The following CACNA1A variants were observed in gnomAD, a reference collection of about 807,000 sequenced individuals.
CACNA1A encodes the protein voltage-dependent P/Q-type calcium channel subunit alpha-1A.
In CACNA1A, 57 loss-of-function variants were observed where a neutral mutation model predicts 262.4. The ratio of observed to expected loss-of-function variants is 0.22; its 90% confidence interval spans 0.18 to 0.27. The LOEUF (loss-of-function observed/expected upper bound fraction) is 0.27. Ranked by LOEUF, CACNA1A falls within the 10% of genes least tolerant of loss-of-function variation. The probability of loss-of-function intolerance (pLI) is 1.00; values close to 1 mark genes in which losing one functional copy is unlikely to be tolerated. For synonymous variants in CACNA1A, 1,431 were observed against 1,419.3 expected (o/e 1.01, Z -0.18); for missense variants, 2,526 against 3,562.8 (o/e 0.71, Z 7.41).
chr19:13,294,487 C>CTTTTTTTTTTTTTT lies in CACNA1A; in HGVS notation c.3089+4043_3089+4056dup, dbSNP rs780908964. Among the ~76,000 whole-genome samples the CTTTTTTTTTTTTTT allele has an allele frequency of 1.6e-3, 117 of 72,524 alleles. 18 individuals carry two copies. Among genetic ancestry groups the CTTTTTTTTTTTTTT allele is most frequent in the East Asian group, 9.5e-3 (19 of 1,998 alleles). The allele number at this position is 72,524 out of a possible 152,430, so 47.6% of individuals were successfully genotyped here. On this transcript the variant is annotated intron_variant, in intron 19 of 46. Coordinates refer to ENST00000360228, the MANE Select transcript of CACNA1A (RefSeq NM_001127222.2). ...TACAGGTGCATACCACTGTACCTGG[C>CTTTTTTTTTTTTTT]TTTTTTTTTTTTTTTTTTTTTTTGA...
At chr19:13,393,927 T>A (rs897397911) in intron 3 of CACNA1A, among the ~76,000 whole-genome samples, 3 of 151,768 alleles carry the variant, frequency 2.0e-5, no homozygotes, top group Admixed American at 2.0e-4. Context: ...GTGATTCTCC[T>A]GCCTCAGCCT....
chr19:13,382,539 G>GT (rs1321362344), intron 3 of CACNA1A, among the ~76,000 whole-genome samples: 3 of 152,210 alleles, frequency 2.0e-5, no homozygotes, highest in African/African-American at 7.2e-5. Context: ...TAGGGGAGAG[G>GT]TTGGGTAAGC....
In CACNA1A at chr19:13,210,415, C is replaced by T. The variant is rs751021979; in HGVS notation, c.6339+202G>A. Among the ~76,000 whole-genome samples, 10 of 152,268 alleles carry T rather than the reference C, an allele frequency of 6.6e-5. No homozygotes were observed. In the South Asian group the frequency reaches 8.3e-4, roughly 13 times the overall value. On this transcript the variant is annotated intron_variant, in intron 44 of 46. Coordinates refer to ENST00000360228, the MANE Select transcript of CACNA1A (RefSeq NM_001127222.2). ...GGGTAGGGGTGAGGATGGGGATGGC[C>T]CCGCCCACCAGGGCTTATGGGTGAG...
chr19:13,387,810 G>A (rs1456119776), intron 3 of CACNA1A, among the ~76,000 whole-genome samples: 2 of 152,078 alleles, frequency 1.3e-5, no homozygotes, highest in Non-Finnish European at 2.9e-5. Flanking sequence ...AGTGAGCTAC[G>A]TCACTACAGC....
At chr19:13,424,070 C>T (rs560257735) in intron 3 of CACNA1A, among the ~76,000 whole-genome samples, 1 of 152,220 alleles carries the variant, frequency 6.6e-6, no homozygotes, top group Admixed American at 6.5e-5. Context: ...AACAGCTGGC[C>T]AGGCGTGGTG....
chr19:13,455,524 C>T (rs2060990190), intron 1 of CACNA1A, among the ~76,000 whole-genome samples: 1 of 152,220 alleles, frequency 6.6e-6, no homozygotes, highest in Non-Finnish European at 1.5e-5. Flanking sequence ...GAGAGCAAAG[C>T]AGACAAGAGG....
intron 3 of CACNA1A, among the ~76,000 whole-genome samples, chr19:13,413,510 T>C (rs2060153262): frequency 7.1e-6 from 1 of 140,752 alleles, no homozygotes; most frequent in South Asian, 2.3e-4. Context: ...AGGTCACGGC[T>C]GCAGAAAGTG....
intron 3 of CACNA1A, among the ~76,000 whole-genome samples, chr19:13,373,086 C>T (rs549531648): frequency 3.3e-4 from 50 of 152,338 alleles, no homozygotes; most frequent in African/African-American, 1.2e-3. Flanking sequence ...ATATAATGGA[C>T]AAGAAATGCT....
chr19:13,275,618 T>G, intron 24 of CACNA1A: 1 of 556,552 alleles, frequency 1.8e-6, no homozygotes. Context: ...CCCGTTGCTG[T>G]GTGAGGAGGT....
chr19:13,335,959 T>A, intron 6 of CACNA1A, 50 bp from the exon 7 acceptor site: 1 of 1,100,136 alleles, frequency 9.1e-7, no homozygotes, highest in Non-Finnish European at 1.4e-6. Flanking sequence ...GGGACTCAGA[T>A]AGAACCTGAC....
chr19:13,311,095 C>T (rs2058026408), intron 12 of CACNA1A, among the ~76,000 whole-genome samples: 1 of 152,024 alleles, frequency 6.6e-6, no homozygotes, highest in South Asian at 2.1e-4. Flanking sequence ...GCCTGGCCTA[C>T]TTTTATTTCT....
At chr19:13,430,241 T>C (rs1270359000) in intron 3 of CACNA1A, among the ~76,000 whole-genome samples, 1 of 152,044 alleles carries the variant, frequency 6.6e-6, no homozygotes, top group Non-Finnish European at 1.5e-5. Context: ...AGTTTCGCTC[T>C]TGTGGCCCAG....
intron 24 of CACNA1A, chr19:13,273,186 G>A (rs2057066615): frequency 6.6e-6 from 1 of 152,206 alleles, no homozygotes; most frequent in South Asian, 2.1e-4. Context: ...GGCTGGTCTC[G>A]AACTGCTGAC....
intron 35 of CACNA1A, 119 bp from the exon 36 acceptor site, chr19:13,230,328 G>A: frequency 9.8e-7 from 1 of 1,024,596 alleles, no homozygotes; most frequent in Admixed American, 2.3e-5. Flanking sequence ...GTACACAGAG[G>A]CCCAGATGGA....
chr19:13,214,969 C>A lies in CACNA1A; in HGVS notation c.5732-361G>T. On this transcript the variant is annotated intron_variant, in intron 38 of 46. Coordinates refer to ENST00000360228, the MANE Select transcript of CACNA1A (RefSeq NM_001127222.2). The surrounding 1 kb of genome is among the most constrained non-coding windows in gnomAD (Gnocchi z 4.1). ...TCCATCTGTGAAATGGAGATGATAG[C>A]AAGAGTACTTGCCTCACCTGGTTGT... The A allele has an allele frequency of 4.6e-6, 1 of 218,380 alleles. No homozygotes were observed. The highest frequency in any genetic ancestry group is 2.3e-5 in the African/African-American group (1 of 43,396). 13.5% of individuals were successfully genotyped at this position (218,380 alleles called of 1,614,324 possible).
intron 38 of CACNA1A, among the ~76,000 whole-genome samples, chr19:13,222,982 T>A (rs912849727): frequency 9.2e-5 from 14 of 151,958 alleles, no homozygotes; most frequent in African/African-American, 3.1e-4. Context: ...CGTAAGCCAC[T>A]GCGCCCAGCC....
chr19:13,229,481 T>C (rs1015604688), intron 36 of CACNA1A, among the ~76,000 whole-genome samples: 1 of 152,168 alleles, frequency 6.6e-6, no homozygotes, highest in Non-Finnish European at 1.5e-5. Context: ...TCTGAAACCA[T>C]TGCCCGTCAG....
chr19:13,417,558 T>G (rs562529370), intron 3 of CACNA1A, among the ~76,000 whole-genome samples: 2 of 152,274 alleles, frequency 1.3e-5, no homozygotes, highest in South Asian at 2.1e-4. Flanking sequence ...TGAACTGGCC[T>G]GGGCTTCTGC....
At chr19:13,273,379 G>A (rs536267733) in intron 24 of CACNA1A, 3 of 152,156 alleles carry the variant, frequency 2.0e-5, no homozygotes, top group African/African-American at 4.8e-5. Context: ...ATTGTATCTC[G>A]TTTTTATTTT....
Sources: allele counts gnomAD v4.1 joint callset (sites outside exome capture counted in the v4.1 genomes callset), GRCh38; gene constraint gnomAD v4.1.1; non-coding constraint Gnocchi (gnomAD v3.1); transcripts MANE v1.5; gene names NCBI Gene and HGNC (gene_info 2026-07-23, HGNC 2026-07-21).